BDP1: variants seen among roughly 807,000 people sequenced by gnomAD.
BDP1 encodes BDP1 general transcription factor IIIB subunit, also known as transcription factor TFIIIB component B'' homolog.
Under a neutral mutation model 266.6 loss-of-function variants are expected in BDP1, and 169 were observed. The ratio of observed to expected loss-of-function variants is 0.63; its 90% CI spans 0.56 to 0.72. The LOEUF (loss-of-function observed/expected upper bound fraction) is 0.72. BDP1 is among the 30% of genes least tolerant of loss of function. The pLI is 0.00. For missense variants in BDP1, 3,015 were observed against 3,053.8 expected, an observed-to-expected ratio of 0.99 and a Z score of 0.30; for synonymous variants, 1,090 against 1,022.4, an observed-to-expected ratio of 1.07 and a Z score of -1.26.
At chr5:71,517,172 G>C (rs1765265818) in intron 21 of BDP1, 150 bp from the exon 22 acceptor site, 2 of 649,614 alleles carry the variant, frequency 3.1e-6, no homozygotes, top group East Asian at 6.3e-5. Flanking sequence ...GACTAGCCTG[G>C]GCAGTATGAT....
chr5:71,477,466 C>A (rs902554218), intron 7 of BDP1, among the ~76,000 whole-genome samples: 5 of 152,224 alleles, frequency 3.3e-5, no homozygotes, highest in Middle Eastern at 3.4e-3. Context: ...TTTTTAAATT[C>A]ACCTTACAGT....
chr5:71,544,596 C>T (rs1419841666), intron 31 of BDP1, 89 bp downstream of exon 31: 2 of 1,444,730 alleles, frequency 1.4e-6, no homozygotes, highest in Non-Finnish European at 1.9e-6. Flanking sequence ...AAAAGAAGTT[C>T]TGGCCGGGCA....
At position 71,544,403 on chromosome 5, in the gene BDP1, C is replaced by G. The variant is rs376066215; in HGVS notation, c.6459C>G (p.Asn2153Lys). ...ASKATELENKNLGPVTTAENK... is the reference protein window; with the variant it reads ...ASKATELENKKLGPVTTAENK... Reference sequence around the variant, plus strand: ...AAGCAACAGAATTGGAAAATAAAAACCTCGGACCAGTTACAACAGCAGAGA... The same window carrying G: ...AAGCAACAGAATTGGAAAATAAAAAGCTCGGACCAGTTACAACAGCAGAGA... The change falls in exon 31 of 39, where the codon AAC becomes AAG. Residue 2153 changes from asparagine (N) to lysine (K), a missense_variant. This residue lies in a region of BDP1 where 629 missense variants were observed against 632.5 expected (regional missense o/e 0.99). Coordinates refer to ENST00000358731, the MANE Select transcript of BDP1 (RefSeq NM_018429.3). The G allele has an allele frequency of 4.6e-5, 74 of 1,613,294 alleles. No homozygotes were observed. Among genetic ancestry groups the G allele is most frequent in the Non-Finnish European group, 6.1e-5 (72 of 1,179,796 alleles).
intron 7 of BDP1, among the ~76,000 whole-genome samples, chr5:71,483,047 AAGGG>A (rs1244934079): frequency 1.3e-5 from 2 of 152,200 alleles, no homozygotes; most frequent in African/African-American, 2.4e-5. Flanking sequence ...AGTTCTTTTG[AAGGG>A]AGGAAGGGGG....
In BDP1 at chr5:71,553,152, CATGGGTTT is replaced by C; in HGVS notation, c.7035_7042del (p.Met2345IlefsTer7). 6.2e-7 allele frequency: 1 copy of C among 1,612,802 alleles called. No individual in the cohort carries two copies. The highest frequency in any genetic ancestry group is 8.5e-7 in the Non-Finnish European group (1 of 1,179,908). Reference sequence around the variant, plus strand: ...CAGCAACTTCAGTTGGTCAAGATGCCATGGGTTTATCTATTTCTGGAAGAGATAATTCT... The same window carrying C: ...CAGCAACTTCAGTTGGTCAAGATGCCATCTATTTCTGGAAGAGATAATTCT... On this transcript the variant is annotated frameshift_variant, in exon 35 of 39. Transcript: ENST00000358731. LOFTEE classifies it high-confidence loss of function.
chr5:71,526,211 C>T (rs898427192), intron 25 of BDP1, among the ~76,000 whole-genome samples: 1 of 152,184 alleles, frequency 6.6e-6, no homozygotes, highest in Non-Finnish European at 1.5e-5. Flanking sequence ...CCGAGGCTGG[C>T]GGATCACTCG....
intron 32 of BDP1, among the ~76,000 whole-genome samples, chr5:71,547,506 T>G (rs111471969): frequency 2.6e-5 from 4 of 152,236 alleles, no homozygotes; most frequent in Admixed American, 2.6e-4. Flanking sequence ...CTACCAGATT[T>G]CTTCATTATA....
rs777032642 is a variant in BDP1 at position 71,502,592 on chromosome 5, G to A, written c.2049-7G>A. The A allele has an allele frequency of 1.3e-6, 2 of 1,583,086 alleles. No individual in the cohort carries two copies. The highest frequency in any genetic ancestry group is 1.4e-5 in the African/African-American group (1 of 73,088). On this transcript the variant is annotated splice_polypyrimidine_tract_variant and splice_region_variant and intron_variant, in intron 14 of 38. Coordinates refer to ENST00000358731, the MANE Select transcript of BDP1 (RefSeq NM_018429.3). ...TAAACATTAATTTTATTTCTTTGTGGTTCTAGTTTGGGTGAAAAAAATTGT... is the reference window on the plus strand; with the variant it reads ...TAAACATTAATTTTATTTCTTTGTGATTCTAGTTTGGGTGAAAAAAATTGT...
intron 33 of BDP1, 55 bp downstream of exon 33, chr5:71,548,800 C>A (rs978263755): frequency 1.0e-5 from 13 of 1,249,412 alleles, no homozygotes; most frequent in Non-Finnish European, 1.5e-5. Context: ...TGATTTTTAC[C>A]CCTTATTTAA....
At chr5:71,544,317 A>G in intron 30 of BDP1, 40 bp from the exon 31 acceptor site, 1 of 1,572,440 alleles carries the variant, frequency 6.4e-7, no homozygotes, top group Non-Finnish European at 8.6e-7. Context: ...TTTTAGCTGT[A>G]TTATTTTGGT....
At chr5:71,548,166 G>A (rs1742474659) in intron 32 of BDP1, among the ~76,000 whole-genome samples, 3 of 151,988 alleles carry the variant, frequency 2.0e-5, no homozygotes, top group African/African-American at 7.2e-5. Flanking sequence ...GCGTGCATCT[G>A]TACTCCCAGC....
intron 6 of BDP1, among the ~76,000 whole-genome samples, chr5:71,468,607 C>T (rs1415714371): frequency 1.5e-5 from 2 of 134,802 alleles, no homozygotes; most frequent in Non-Finnish European, 3.1e-5. Context: ...ACAATATTTC[C>T]TTTTTTTTTT....
chr5:71,541,773 A>C, intron 29 of BDP1, 91 bp downstream of exon 29: 1 of 809,526 alleles, frequency 1.2e-6, no homozygotes, highest in Non-Finnish European at 1.9e-6. Flanking sequence ...TAAAGTAGGC[A>C]ATGCTAATTT....
intron 4 of BDP1, among the ~76,000 whole-genome samples, chr5:71,465,806 A>C (rs1761870933): frequency 6.6e-6 from 1 of 152,248 alleles, no homozygotes; most frequent in South Asian, 2.1e-4. Context: ...GTGTGAACCC[A>C]GGAGGCGGAG....
intron 17 of BDP1, 114 bp downstream of exon 17, chr5:71,511,265 CTA>C: frequency 9.4e-7 from 1 of 1,060,136 alleles, no homozygotes; most frequent in Non-Finnish European, 1.4e-6. Context: ...CTCTAAAAGT[CTA>C]AAGTCTTTTG....
At chr5:71,517,882 A>C (rs1765302788) in intron 22 of BDP1, among the ~76,000 whole-genome samples, 1 of 152,286 alleles carries the variant, frequency 6.6e-6, no homozygotes, top group East Asian at 1.9e-4. Flanking sequence ...CCTGGGCAAC[A>C]TAGTGAGACC....
chr5:71,486,673 A>G, intron 9 of BDP1, 46 bp downstream of exon 9: 1 of 1,429,068 alleles, frequency 7.0e-7, no homozygotes, highest in Non-Finnish European at 9.2e-7. Context: ...AGTAGTAATA[A>G]ACTTGCAATA....
rs1181202484 is a variant in BDP1, at chr5:71,566,874, A to G, written c.*1989A>G. ...AGAGTCTAGATAATTATGTTTGTAT[A>G]TTGAAAAAATGGTGGCCAGTTTTTA... On this transcript the variant is annotated 3_prime_UTR_variant, in exon 39 of 39. Coordinates refer to ENST00000358731, the MANE Select transcript of BDP1 (RefSeq NM_018429.3). The G allele has an allele frequency of 6.6e-6, 1 of 152,248 alleles. No homozygotes were observed. The highest frequency in any genetic ancestry group is 2.4e-5 in the African/African-American group (1 of 41,466). 9.4% of individuals were successfully genotyped at this position (152,248 alleles called of 1,614,324 possible). A position where few individuals can be genotyped will look rare whatever the true frequency, so the allele number is the denominator to read the frequency against.
intron 34 of BDP1, among the ~76,000 whole-genome samples, chr5:71,552,704 C>G (rs1041411264): frequency 6.6e-6 from 1 of 152,266 alleles, no homozygotes; most frequent in African/African-American, 2.4e-5. Flanking sequence ...CCTGCAATCG[C>G]AGGCACTCGG....
Sources: allele counts gnomAD v4.1 joint callset (sites outside exome capture counted in the v4.1 genomes callset), GRCh38; gene constraint gnomAD v4.1.1; regional missense constraint gnomAD v4.1.1; transcripts MANE v1.5; gene names NCBI Gene and HGNC (gene_info 2026-07-23, HGNC 2026-07-21).